HSPA9: variants seen among roughly 807,000 people sequenced by gnomAD.
HSPA9 encodes the protein stress-70 protein, mitochondrial.
HSPA9 carries 28 observed loss-of-function variants against 81.5 expected under a neutral mutation model. The observed-to-expected ratio is 0.34, with a 90% CI of 0.25 to 0.47. The LOEUF (loss-of-function observed/expected upper bound fraction) is 0.47. Among genes scored for constraint, HSPA9 ranks in the 20% least tolerant of loss-of-function variants. The pLI is 1.00. For missense variants in HSPA9, 678 were observed against 838.0 expected, an observed-to-expected ratio of 0.81 and a Z score of 2.36; for synonymous variants, 293 against 290.4, an observed-to-expected ratio of 1.01 and a Z score of -0.09.
Position 138,567,447 on chromosome 5 carries a change from A to AAACTT in HSPA9, c.716+3_716+7dup, listed in dbSNP as rs749699731. ...CATCCAGGTGAGAAATTTACTGCAC[A>AAACTT]AACTTACACTTTGTCTTCTGATTTG... On this transcript the variant is annotated splice_region_variant and intron_variant, in intron 7 of 16. Transcript: ENST00000297185. 2 of 1,607,544 alleles carry AAACTT rather than the reference A, an allele frequency of 1.2e-6. No homozygotes were observed. The highest frequency in any genetic ancestry group is 1.7e-6 in the Non-Finnish European group (2 of 1,174,048).
intron 10 of HSPA9, 146 bp downstream of exon 10, chr5:138,561,434 C>T: frequency 1.4e-6 from 1 of 708,362 alleles, no homozygotes; most frequent in African/African-American, 1.8e-5. Flanking sequence ...ACAAAACAAA[C>T]AGAAAAGAAT....
chr5:138,563,350 G>A (rs765327460), intron 9 of HSPA9, among the ~76,000 whole-genome samples: 38 of 152,102 alleles, frequency 2.5e-4, no homozygotes, highest in Admixed American at 2.4e-3. Flanking sequence ...ATAGTAGCAC[G>A]ACTCTAAACA....
In HSPA9 at chr5:138,561,764, G is replaced by T. The variant is rs765391681; in HGVS notation, c.998C>A (p.Thr333Lys). 56 of 1,613,910 alleles carry T rather than the reference G, an allele frequency of 3.5e-5. No homozygotes were observed. Among genetic ancestry groups the T allele is most frequent in the Non-Finnish European group, 4.5e-5 (53 of 1,179,892 alleles). Residue 333 changes from threonine (T) to lysine (K), a missense_variant, in exon 10 of 17, where the codon ACA becomes AAA. This residue lies in a region of HSPA9 where 484 missense variants were observed against 647.5 expected (regional missense o/e 0.75). Transcript: ENST00000297185. ...VQTDINLPYL[T>K]MDSSGPKHLN... ...ATGCTTGGGTCCAGAAGAATCCATT[G>T]TAAGATAGGGCAAATTGATGTCAGT...
intron 1 of HSPA9, 109 bp downstream of exon 1, chr5:138,575,129 A>G (rs1043367337): frequency 2.4e-5 from 18 of 742,490 alleles, no homozygotes; most frequent in Admixed American, 2.0e-4. Flanking sequence ...TTCCCGCCTG[A>G]CCTATACTGG....
At chr5:138,568,011 C>T (rs916185791) in intron 5 of HSPA9, among the ~76,000 whole-genome samples, 1 of 150,818 alleles carries the variant, frequency 6.6e-6, no homozygotes, top group Admixed American at 6.6e-5. Flanking sequence ...TATGGAGAAA[C>T]CCCATCTCTA....
chr5:138,559,193 C>T (rs1006960416), intron 11 of HSPA9, among the ~76,000 whole-genome samples: 1 of 151,758 alleles, frequency 6.6e-6, no homozygotes, highest in Non-Finnish European at 1.5e-5. Flanking sequence ...GCAACCTCTG[C>T]CTCCCATGCT....
chr5:138,554,186 C>A lies in HSPA9; in HGVS notation c.*1851G>T, dbSNP rs1750473064. On this transcript the variant is annotated 3_prime_UTR_variant, in exon 17 of 17. Coordinates refer to ENST00000297185, the MANE Select transcript of HSPA9 (RefSeq NM_004134.7). ...GACTGAAATACTGTGTCCACCCATA[C>A]CCAAGCAACTTCTCCCTCCTAATAG... 1.3e-5 allele frequency among the ~76,000 whole-genome samples: 2 copies of A among 152,268 alleles called. No individual in the cohort carries two copies. Among genetic ancestry groups the A allele is most frequent in the South Asian group, 4.1e-4 (2 of 4,824 alleles).
chr5:138,555,611 T>C lies in HSPA9; in HGVS notation c.*426A>G, dbSNP rs981084230. 1.3e-5 allele frequency: 3 copies of C among 238,626 alleles called. No homozygotes were observed. In the East Asian group the frequency reaches 3.3e-4, roughly 26 times the overall value. The allele number at this position is 238,626 out of a possible 1,614,324, so 14.8% of individuals were successfully genotyped here. Reference sequence around the variant, plus strand: ...CCTCAGTTGAAGGACCCCATGTACATACAGGCCAGTACAGCAGTACTAGGC... The same window carrying C: ...CCTCAGTTGAAGGACCCCATGTACACACAGGCCAGTACAGCAGTACTAGGC... On this transcript the variant is annotated 3_prime_UTR_variant, in exon 17 of 17. Transcript: ENST00000297185.
At chr5:138,567,345 C>T (rs1750788707) in intron 7 of HSPA9, 110 bp downstream of exon 7, 3 of 1,064,866 alleles carry the variant, frequency 2.8e-6, no homozygotes, top group South Asian at 1.3e-5. Flanking sequence ...AAAACAAAGA[C>T]AATACAGACT....
chr5:138,562,308 G>A (rs572518373), intron 9 of HSPA9, among the ~76,000 whole-genome samples: 247 of 151,030 alleles, frequency 1.6e-3, no homozygotes, highest in African/African-American at 5.8e-3. Flanking sequence ...CCAGCACTTT[G>A]GGAGGGCGAG....
At chr5:138,561,904 G>A (rs1422413463) in intron 9 of HSPA9, 115 bp from the exon 10 acceptor site, 1 of 804,530 alleles carries the variant, frequency 1.2e-6, no homozygotes, top group Non-Finnish European at 2.2e-6. Flanking sequence ...AAACCAAAGG[G>A]AGGGTGAGAT....
intron 11 of HSPA9, chr5:138,559,102 A>T (rs887620601): frequency 1.7e-5 from 3 of 176,362 alleles, no homozygotes; most frequent in South Asian, 1.0e-4. Flanking sequence ...TCAGGAAATA[A>T]TTTTTTTTTT....
At chr5:138,570,275 C>T (rs561876781) in intron 4 of HSPA9, among the ~76,000 whole-genome samples, 2 of 152,152 alleles carry the variant, frequency 1.3e-5, no homozygotes, top group South Asian at 4.1e-4. Flanking sequence ...AGGAGTTCAA[C>T]ACCAACTTGG....
At chr5:138,564,457 T>G (rs1750721119) in intron 9 of HSPA9, among the ~76,000 whole-genome samples, 2 of 152,134 alleles carry the variant, frequency 1.3e-5, no homozygotes, top group Non-Finnish European at 2.9e-5. Flanking sequence ...TGGGGTGCAG[T>G]GGCATTCACA....
intron 9 of HSPA9, 144 bp downstream of exon 9, chr5:138,566,482 A>G: frequency 1.4e-6 from 1 of 698,288 alleles, no homozygotes; most frequent in Non-Finnish European, 2.6e-6. Flanking sequence ...CTCATGGCAA[A>G]GGTCTCTAGA....
chr5:138,556,379 C>T (rs1234440067), intron 16 of HSPA9, 73 bp downstream of exon 16: 2 of 1,534,750 alleles, frequency 1.3e-6, no homozygotes, highest in African/African-American at 1.4e-5. Context: ...ATGGAGGGAG[C>T]CACCAGTGAC....
At chr5:138,571,373 G>A (rs1488989626) in intron 3 of HSPA9, among the ~76,000 whole-genome samples, 4 of 151,582 alleles carry the variant, frequency 2.6e-5, no homozygotes, top group Non-Finnish European at 5.9e-5. Flanking sequence ...TAGTAGAGAC[G>A]GGGGTTTCAC....
chr5:138,573,750 C>A lies in HSPA9; in HGVS notation c.228+13G>T. On this transcript the variant is annotated intron_variant, in intron 3 of 16. Coordinates refer to ENST00000297185, the MANE Select transcript of HSPA9 (RefSeq NM_004134.7). The stretch of plus-strand genomic sequence containing the variant: ...AGATTCTGGATAAGGTACTAGTTAT[C>A]AATCATGCTCACCTTTGCTTGTTTA... 1 of 1,480,376 alleles carries A rather than the reference C, an allele frequency of 6.8e-7. No homozygotes were observed. The highest frequency in any genetic ancestry group is 1.1e-5 in the South Asian group (1 of 88,920). The allele number at this position is 1,480,376 out of a possible 1,614,324, so 91.7% of individuals were successfully genotyped here. A position where few individuals can be genotyped will look rare whatever the true frequency, so the allele number is the denominator to read the frequency against.
At chr5:138,573,613 C>T in intron 3 of HSPA9, 150 bp downstream of exon 3, 1 of 612,314 alleles carries the variant, frequency 1.6e-6, no homozygotes, top group Non-Finnish European at 2.8e-6. Context: ...TGCCACTGCA[C>T]TCCACCATGG....
Sources: allele counts gnomAD v4.1 joint callset (sites outside exome capture counted in the v4.1 genomes callset), GRCh38; gene constraint gnomAD v4.1.1; regional missense constraint gnomAD v4.1.1; transcripts MANE v1.5; gene names NCBI Gene and HGNC (gene_info 2026-07-23, HGNC 2026-07-21).